CNTLN: variants seen among roughly 807,000 people sequenced by gnomAD.
CNTLN encodes centlein, centrosomal protein.
Under a neutral mutation model 180.0 loss-of-function variants are expected in CNTLN, and 212 were observed. That is an observed-to-expected ratio of 1.18 (90% confidence interval 1.05 to 1.32). The LOEUF (loss-of-function observed/expected upper bound fraction) is 1.32. Ranked by LOEUF, CNTLN falls within the 40% of genes most tolerant of loss-of-function variation. The probability of loss-of-function intolerance (pLI) is 0.00; values close to 1 mark genes in which losing one functional copy is unlikely to be tolerated. For missense variants in CNTLN, 2,095 were observed against 1,610.9 expected, an observed-to-expected ratio of 1.30 and a Z score of -5.14; for synonymous variants, 722 against 563.1, an observed-to-expected ratio of 1.28 and a Z score of -3.99.
chr9:17,250,928 G>T (rs1826100496), intron 5 of CNTLN, among the ~76,000 whole-genome samples: 1 of 151,882 alleles, frequency 6.6e-6, no homozygotes, highest in Non-Finnish European at 1.5e-5. Flanking sequence ...TGCATTTCTT[G>T]TAGTGCATCT....
chr9:17,517,838 G>A, the CNTLN span, among the ~76,000 whole-genome samples: 1 of 152,098 alleles, frequency 6.6e-6, no homozygotes, highest in South Asian at 2.1e-4. Context: ...GTAATACAAA[G>A]GGTGGGGAGA....
chr9:17,385,846 T>A (rs1427620582), intron 13 of CNTLN, among the ~76,000 whole-genome samples: 1 of 152,212 alleles, frequency 6.6e-6, no homozygotes, highest in African/African-American at 2.4e-5. Flanking sequence ...CATCAGGGAC[T>A]TGAGCATGGT....
At chr9:17,375,451 G>C (rs111688186) in intron 13 of CNTLN, among the ~76,000 whole-genome samples, 1 of 152,152 alleles carries the variant, frequency 6.6e-6, no homozygotes, top group African/African-American at 2.4e-5. Context: ...CATTTACCCT[G>C]ATATGATTAT....
intron 6 of CNTLN, among the ~76,000 whole-genome samples, chr9:17,285,161 C>A (rs796155990): frequency 0.021 from 2,535 of 118,574 alleles, 96 homozygotes; most frequent in African/African-American, 0.077. Flanking sequence ...CCCCTCCCCC[C>A]ACCCCACCAC....
chr9:17,247,705 C>G (rs1041376044), intron 5 of CNTLN, among the ~76,000 whole-genome samples: 1 of 150,918 alleles, frequency 6.6e-6, no homozygotes, highest in Non-Finnish European at 1.5e-5. Flanking sequence ...TTCTATTTAG[C>G]CATCTTGCTC....
intron 18 of CNTLN, among the ~76,000 whole-genome samples, chr9:17,426,054 A>C (rs2133952246): frequency 6.6e-6 from 1 of 152,332 alleles, no homozygotes; most frequent in African/African-American, 2.4e-5. Flanking sequence ...GTGAATGTGA[A>C]CCAGGGACCT....
intron 13 of CNTLN, among the ~76,000 whole-genome samples, chr9:17,387,960 A>G (rs1407658660): frequency 4.6e-5 from 7 of 151,870 alleles, no homozygotes; most frequent in Non-Finnish European, 1.0e-4. Context: ...AAAAAAAAAA[A>G]AAGGTGGCAC....
rs34174830 is a variant in CNTLN, at chr9:17,427,283, C to CT, written c.3114+11111dup. Reference sequence around the variant, plus strand: ...GATCCCAGCACTTGAGTTGCTGCTTCTTTTTTTTTTTTTTTTTAGATTTTT... The same window carrying CT: ...GATCCCAGCACTTGAGTTGCTGCTTCTTTTTTTTTTTTTTTTTTAGATTTTT... On this transcript the variant is annotated intron_variant, in intron 18 of 25. Coordinates refer to ENST00000380647, the MANE Select transcript of CNTLN (RefSeq NM_017738.4). Among the ~76,000 whole-genome samples, 1,077 of 135,830 alleles carry CT rather than the reference C, an allele frequency of 7.9e-3. 15 individuals are homozygous for CT. Among genetic ancestry groups the CT allele is most frequent in the African/African-American group, 0.026 (942 of 36,148 alleles). The allele number at this position is 135,830 out of a possible 152,430, so 89.1% of individuals were successfully genotyped here. A position where few individuals can be genotyped will look rare whatever the true frequency, so the allele number is the denominator to read the frequency against.
chr9:17,245,380 A>G (rs1004483017), intron 5 of CNTLN, among the ~76,000 whole-genome samples: 1 of 149,792 alleles, frequency 6.7e-6, no homozygotes, highest in African/African-American at 2.4e-5. Flanking sequence ...CCTGGCCTGT[A>G]AAGTTTCCAC....
At chr9:17,150,244 G>C (rs1325187522) in intron 2 of CNTLN, among the ~76,000 whole-genome samples, 1 of 152,186 alleles carries the variant, frequency 6.6e-6, no homozygotes, top group African/African-American at 2.4e-5. Context: ...GTCCTGAATG[G>C]TATTGCCCAG....
chr9:17,423,749 G>C (rs528716424), intron 18 of CNTLN, among the ~76,000 whole-genome samples: 81 of 152,216 alleles, frequency 5.3e-4, no homozygotes, highest in African/African-American at 2.0e-3. Context: ...TCTAGGGCGG[G>C]GATAGTTTAA....
At chr9:17,292,583 G>T (rs546863518) in intron 6 of CNTLN, among the ~76,000 whole-genome samples, 1 of 152,052 alleles carries the variant, frequency 6.6e-6, no homozygotes, top group East Asian at 1.9e-4. Context: ...TCCTCTGCTT[G>T]GTCAGTTTGG....
At chr9:17,295,470 T>C (rs1346384524) in intron 6 of CNTLN, among the ~76,000 whole-genome samples, 1 of 151,944 alleles carries the variant, frequency 6.6e-6, no homozygotes, top group African/African-American at 2.4e-5. Context: ...AGGTGGGCCG[T>C]CGCACCACCC....
chr9:17,368,092 G>T (rs888629737), intron 13 of CNTLN, among the ~76,000 whole-genome samples: 6 of 151,772 alleles, frequency 4.0e-5, no homozygotes, highest in Non-Finnish European at 7.4e-5. Context: ...TTCTAGACCT[G>T]CCCTGGGCCA....
intron 2 of CNTLN, among the ~76,000 whole-genome samples, chr9:17,164,388 G>A (rs1819905786): frequency 7.1e-6 from 1 of 140,388 alleles, no homozygotes; most frequent in African/African-American, 2.6e-5. Context: ...CCATTTGTTA[G>A]CTTTAATCGA....
intron 8 of CNTLN, among the ~76,000 whole-genome samples, chr9:17,320,031 G>GT (rs1208700043): frequency 1.3e-5 from 2 of 152,168 alleles, no homozygotes; most frequent in African/African-American, 2.4e-5. Context: ...CAGAAATAAT[G>GT]TTTTTTGCCT....
chr9:17,471,830 G>A (rs968862699), intron 23 of CNTLN, among the ~76,000 whole-genome samples: 4 of 152,068 alleles, frequency 2.6e-5, no homozygotes, highest in Non-Finnish European at 5.9e-5. Flanking sequence ...AGGCCAGATG[G>A]AAGTAGCACC....
chr9:17,185,623 G>GTTCC (rs1419783857), intron 2 of CNTLN, among the ~76,000 whole-genome samples: 2 of 152,098 alleles, frequency 1.3e-5, no homozygotes. Flanking sequence ...TACTATAAGG[G>GTTCC]TTCCCCAGAG....
intron 5 of CNTLN, among the ~76,000 whole-genome samples, chr9:17,263,798 G>C (rs1446095200): frequency 7.6e-5 from 11 of 144,576 alleles, no homozygotes; most frequent in Admixed American, 2.1e-4. Context: ...GGCCAGTGAT[G>C]ATGAGCATTT....
Sources: gnomAD v4.1 joint callset for allele counts (sites outside exome capture counted in the v4.1 genomes callset) on GRCh38, gnomAD v4.1.1 for gene constraint, MANE v1.5 for transcripts, NCBI Gene and HGNC (gene_info 2026-07-23, HGNC 2026-07-21) for gene names.